Variants in EXOC4 observed in about 807,000 individuals in gnomAD.
EXOC4 encodes SEC8-like 1.
Under a neutral mutation model 107.2 loss-of-function variants are expected in EXOC4, and 71 were observed. The ratio of observed to expected loss-of-function variants is 0.66; its 90% CI spans 0.55 to 0.81. EXOC4 has a LOEUF of 0.81. EXOC4 is among the 30% of genes least tolerant of loss of function. The pLI is 0.00. For synonymous variants in EXOC4, 456 were observed against 441.2 expected (o/e 1.03, Z -0.42); for missense variants, 1,108 against 1,189.6 (o/e 0.93, Z 1.01).
At chr7:133,792,553 CAAA>C (rs56408972) in intron 10 of EXOC4, among the ~76,000 whole-genome samples, 6 of 73,606 alleles carry the variant, frequency 8.2e-5, no homozygotes, top group African/African-American at 3.4e-4. Flanking sequence ...ACCCTGTCTC[CAAA>C]AAAAAAAAAA....
chr7:133,939,167 G>GA (rs1800370936), intron 14 of EXOC4, among the ~76,000 whole-genome samples: 1 of 152,202 alleles, frequency 6.6e-6, no homozygotes, highest in Admixed American at 6.5e-5. Context: ...AGGGCTATTA[G>GA]ACAGTTATTA....
At chr7:133,390,393 A>G (rs1405500294) in intron 7 of EXOC4, among the ~76,000 whole-genome samples, 2 of 151,980 alleles carry the variant, frequency 1.3e-5, no homozygotes, top group East Asian at 3.9e-4. Flanking sequence ...CAGATTTTTG[A>G]GCAGAATCCA....
downstream of EXOC4, among the ~76,000 whole-genome samples, chr7:134,070,244 A>G (rs1372183463): frequency 6.6e-6 from 1 of 152,228 alleles, no homozygotes; most frequent in African/African-American, 2.4e-5. Context: ...TAAGAAGTAC[A>G]TAATTAATAA....
intron 10 of EXOC4, among the ~76,000 whole-genome samples, chr7:133,668,689 G>GTGA (rs1333180156): frequency 3.9e-5 from 6 of 152,242 alleles, no homozygotes; most frequent in African/African-American, 1.4e-4. Flanking sequence ...AGAAGCTCAT[G>GTGA]TGATGTTAGG....
intron 15 of EXOC4, among the ~76,000 whole-genome samples, chr7:134,002,843 A>T (rs1462422506): frequency 6.6e-6 from 1 of 152,148 alleles, no homozygotes; most frequent in East Asian, 1.9e-4. Context: ...AGGATGTGGA[A>T]CAACTGGAAC....
intron 10 of EXOC4, among the ~76,000 whole-genome samples, chr7:133,780,446 T>C (rs1796441215): frequency 1.3e-5 from 2 of 152,196 alleles, no homozygotes; most frequent in South Asian, 4.1e-4. Context: ...GCTCAAAAAC[T>C]GTGTTAAGAG....
rs374188709 is a variant in EXOC4 at position 133,865,094 on chromosome 7, G to A, written c.1735-30505G>A. On this transcript the variant is annotated intron_variant, in intron 11 of 17. Transcript: ENST00000253861. The stretch of plus-strand genomic sequence containing the variant: ...ACATGTAATTTAAAAGATATTTACT[G>A]TTTTATATTACTTTTTTCTTTTTCT... Among the ~76,000 whole-genome samples, 9 of 152,072 alleles carry A rather than the reference G, an allele frequency of 5.9e-5. No individual in the cohort carries two copies. The East Asian group carries it at 1.4e-3, about 23-fold the overall frequency.
downstream of EXOC4, chr7:134,066,625 G>A (rs1403388691): frequency 1.3e-5 from 2 of 152,074 alleles, no homozygotes; most frequent in African/African-American, 4.8e-5. Context: ...ACACTCAGTG[G>A]GTGGTCAATG....
chr7:133,896,844 T>TTTTTTTTTTTTTTG lies in EXOC4; in HGVS notation c.1871+1109_1871+1110insTTTTTTTTTTTTTG, dbSNP rs1198817578. On this transcript the variant is annotated intron_variant, in intron 12 of 17. Transcript: ENST00000253861. Reference sequence around the variant, plus strand: ...CCATGTCTGGCTATTTTTGTATTTTTAGTAGAGATGGGGTTTCACCATGTT... The same window carrying TTTTTTTTTTTTTTG: ...CCATGTCTGGCTATTTTTGTATTTTTTTTTTTTTTTTTTGAGTAGAGATGGGGTTTCACCATGTT... 4.6e-5 allele frequency among the ~76,000 whole-genome samples: 4 copies of TTTTTTTTTTTTTTG among 87,824 alleles called. No individual in the cohort carries two copies. The African/African-American group carries it at 4.6e-4, about 10-fold the overall frequency. The allele number at this position is 87,824 out of a possible 152,430, so 57.6% of individuals were successfully genotyped here.
intron 14 of EXOC4, among the ~76,000 whole-genome samples, chr7:133,987,744 C>T (rs1028885204): frequency 6.6e-6 from 1 of 152,128 alleles, no homozygotes; most frequent in African/African-American, 2.4e-5. Context: ...ACCATCTTTC[C>T]CTTTTCAATT....
At chr7:133,482,617 C>T (rs1188853236) in intron 9 of EXOC4, among the ~76,000 whole-genome samples, 1 of 152,136 alleles carries the variant, frequency 6.6e-6, no homozygotes, top group Non-Finnish European at 1.5e-5. Flanking sequence ...AGCTCCCCAG[C>T]ACTTGCTTTG....
chr7:134,036,195 A>G (rs1269595923), intron 17 of EXOC4, among the ~76,000 whole-genome samples: 2 of 152,174 alleles, frequency 1.3e-5, no homozygotes, highest in Admixed American at 1.3e-4. Context: ...TAATTCAGAA[A>G]AAAAGGCCAC....
At chr7:133,567,231 AT>A (rs1162214020) in intron 9 of EXOC4, among the ~76,000 whole-genome samples, 8 of 151,860 alleles carry the variant, frequency 5.3e-5, no homozygotes, top group Non-Finnish European at 1.2e-4. Context: ...CATTCTAGAA[AT>A]TTTTTGGCAT....
chr7:133,910,234 A>G (rs768360480), intron 12 of EXOC4, among the ~76,000 whole-genome samples: 3 of 152,172 alleles, frequency 2.0e-5, no homozygotes, highest in African/African-American at 4.8e-5. Flanking sequence ...GACAGATTTT[A>G]TATGAATTCT....
At chr7:133,804,322 C>G (rs1242951292) in intron 10 of EXOC4, among the ~76,000 whole-genome samples, 1 of 152,152 alleles carries the variant, frequency 6.6e-6, no homozygotes, top group Non-Finnish European at 1.5e-5. Context: ...AGACTAATAT[C>G]ATAACTGTCT....
chr7:133,635,059 A>G (rs1471963791), intron 10 of EXOC4, among the ~76,000 whole-genome samples: 1 of 152,110 alleles, frequency 6.6e-6, no homozygotes, highest in Non-Finnish European at 1.5e-5. Flanking sequence ...AGATATGTTA[A>G]TGTTGGAATT....
chr7:133,559,940 G>A (rs1800775421), intron 9 of EXOC4, among the ~76,000 whole-genome samples: 1 of 152,184 alleles, frequency 6.6e-6, no homozygotes, highest in African/African-American at 2.4e-5. Context: ...CCATGTGGAT[G>A]AAAGGCTAAT....
chr7:133,358,751 A>G (rs1213567139), intron 6 of EXOC4, among the ~76,000 whole-genome samples: 1 of 150,826 alleles, frequency 6.6e-6, no homozygotes, highest in Admixed American at 6.7e-5. Flanking sequence ...AGTACCTTTA[A>G]AAGCACTGTG....
At chr7:133,906,720 A>G (rs2113339) in intron 12 of EXOC4, among the ~76,000 whole-genome samples, 94,569 of 152,032 alleles carry the variant, frequency 0.62, 31,944 homozygotes, top group African/African-American at 0.9. Flanking sequence ...TCGCAGACCC[A>G]CCGCTGACTT....
Sources: allele counts gnomAD v4.1 joint callset (sites outside exome capture counted in the v4.1 genomes callset), GRCh38; gene constraint gnomAD v4.1.1; transcripts MANE v1.5; gene names NCBI Gene and HGNC (gene_info 2026-07-23, HGNC 2026-07-21).